UBE2Q2: variants seen among roughly 807,000 people sequenced by gnomAD.
UBE2Q2 encodes ubiquitin conjugating enzyme E2 Q2, also known as ubiquitin-conjugating enzyme E2 Q2.
In UBE2Q2, 54 loss-of-function variants were observed where a neutral mutation model predicts 59.9. The observed-to-expected ratio is 0.90, with a 90% CI of 0.72 to 1.13. The LOEUF (loss-of-function observed/expected upper bound fraction) is 1.13. Among genes scored for constraint, UBE2Q2 ranks in the 50% most tolerant of loss-of-function variants. The pLI is 0.00. For missense variants in UBE2Q2, 433 were observed against 441.9 expected, an observed-to-expected ratio of 0.98 and a Z score of 0.18; for synonymous variants, 165 against 155.2, an observed-to-expected ratio of 1.06 and a Z score of -0.47.
intron 3 of UBE2Q2, among the ~76,000 whole-genome samples, chr15:75,862,432 T>A (rs1464962012): frequency 2.0e-5 from 3 of 151,508 alleles, no homozygotes; most frequent in South Asian, 2.1e-4. Context: ...TTTTTTTTTT[T>A]AAACCTTTCC....
At position 75,873,517 on chromosome 15, in the gene UBE2Q2, T is replaced by C; in HGVS notation, c.537T>C (p.Asn179=). 2 of 1,613,792 alleles carry C rather than the reference T, an allele frequency of 1.2e-6. No homozygotes were observed. Among genetic ancestry groups the C allele is most frequent in the Middle Eastern group, 1.7e-4 (1 of 6,056 alleles). Residue 179 remains asparagine (N), a synonymous_variant, in exon 5 of 13, where the codon AAT becomes AAC. Transcript: ENST00000267938. ...KSEDEGIEKE[N]LAILEKIRKT... The stretch of plus-strand genomic sequence containing the variant: ...AGGATGAAGGAATTGAAAAAGAAAA[T>C]TTGGCAATATTAGAGAAAATTAGGA...
rs1899698573 is a variant in UBE2Q2 at position 75,900,557 on chromosome 15, C to CT, written c.*1101dup. 2.0e-5 allele frequency: 1 copy of CT among 51,164 alleles called. No homozygotes were observed. Among genetic ancestry groups the CT allele is most frequent in the Admixed American group, 2.8e-4 (1 of 3,622 alleles). 3.2% of individuals were successfully genotyped at this position (51,164 alleles called of 1,614,324 possible). On this transcript the variant is annotated 3_prime_UTR_variant, in exon 13 of 13. Coordinates refer to ENST00000267938, the MANE Select transcript of UBE2Q2 (RefSeq NM_173469.4). ...TTTGATTTAAAAGTAAATTCTAGTT[C>CT]TTAAGCACTTTTAACAAATCCAGAA...
chr15:75,879,245 A>G (rs1463752376), intron 8 of UBE2Q2, 57 bp downstream of exon 8: 2 of 1,094,888 alleles, frequency 1.8e-6, no homozygotes, highest in African/African-American at 3.2e-5. Flanking sequence ...ATATTTGTAC[A>G]AGTGCTTTGG....
At chr15:75,876,110 TA>T in intron 5 of UBE2Q2, 76 bp from the exon 6 acceptor site, 1 of 1,389,980 alleles carries the variant, frequency 7.2e-7, no homozygotes, top group Non-Finnish European at 1.0e-6. Flanking sequence ...ATTTTTGCTG[TA>T]ATCTTTTAGA....
chr15:75,894,355 C>T (rs1437143699), intron 11 of UBE2Q2, among the ~76,000 whole-genome samples: 1 of 152,014 alleles, frequency 6.6e-6, no homozygotes, highest in Non-Finnish European at 1.5e-5. Flanking sequence ...ATGGCCTGAG[C>T]TCAGGAGTTC....
intron 1 of UBE2Q2, among the ~76,000 whole-genome samples, chr15:75,849,975 T>C (rs866555473): frequency 1.3e-4 from 20 of 152,364 alleles, no homozygotes; most frequent in Middle Eastern, 3.4e-3. Flanking sequence ...AAGATAGATA[T>C]AAAGCTTAGT....
chr15:75,882,563 C>T (rs1898491326), intron 8 of UBE2Q2, among the ~76,000 whole-genome samples: 1 of 152,132 alleles, frequency 6.6e-6, no homozygotes, highest in African/African-American at 2.4e-5. Context: ...CTTTACCAAG[C>T]TTACATCAAC....
intron 12 of UBE2Q2, 61 bp downstream of exon 12, chr15:75,897,122 C>CCTG: frequency 2.1e-6 from 2 of 958,900 alleles, no homozygotes; most frequent in South Asian, 2.8e-5. Flanking sequence ...TGTATTAATA[C>CCTG]TTACCATTTT....
At chr15:75,848,613 G>T (rs1349317989) in intron 1 of UBE2Q2, among the ~76,000 whole-genome samples, 1 of 151,964 alleles carries the variant, frequency 6.6e-6, no homozygotes, top group African/African-American at 2.4e-5. Context: ...TATATGAAGA[G>T]AAGACTTAGG....
intron 1 of UBE2Q2, among the ~76,000 whole-genome samples, chr15:75,851,127 A>G (rs1029427450): frequency 2.7e-5 from 4 of 150,080 alleles, no homozygotes; most frequent in African/African-American, 9.8e-5. Context: ...ATAATCCTGG[A>G]TATTCTTCTT....
intron 11 of UBE2Q2, 45 bp downstream of exon 11, chr15:75,891,059 TATTA>T: frequency 7.0e-7 from 1 of 1,424,122 alleles, no homozygotes. Context: ...ATACATTTTA[TATTA>T]CTTTATAAGC....
Position 75,899,622 on chromosome 15 carries a change from C to T in UBE2Q2, c.*164C>T. On this transcript the variant is annotated 3_prime_UTR_variant, in exon 13 of 13. Transcript: ENST00000267938. ...TCTGACATCCAGTATAAGTTACAGC[C>T]TTTGCATTTTGCTCATTTTAGATAT... The T allele has an allele frequency of 7.4e-6, 4 of 537,678 alleles. No homozygotes were observed. Among genetic ancestry groups the T allele is most frequent in the Non-Finnish European group, 1.2e-5 (4 of 320,910 alleles). The allele number at this position is 537,678 out of a possible 1,614,324, so 33.3% of individuals were successfully genotyped here.
intron 1 of UBE2Q2, among the ~76,000 whole-genome samples, chr15:75,852,008 GACTACAGGCGTGCA>G (rs1896658855): frequency 6.6e-6 from 1 of 152,100 alleles, no homozygotes; most frequent in African/African-American, 2.4e-5. Context: ...TAGTAGCTGG[GACTACAGGCGTGCA>G]ACCACCATGC....
intron 4 of UBE2Q2, among the ~76,000 whole-genome samples, chr15:75,869,879 A>C (rs1254382503): frequency 1.3e-5 from 2 of 152,230 alleles, no homozygotes; most frequent in African/African-American, 4.8e-5. Flanking sequence ...TTTAAATTCA[A>C]ACTTCAGAAC....
chr15:75,843,609 G>A lies in UBE2Q2; in HGVS notation c.-58G>A, dbSNP rs62028927. Reference sequence around the variant, plus strand: ...GGCCGTGACGGCGGCTCCGGGCCCGGCTCCCCTTCCGCGCCCGGCTCCCCT... The same window carrying A: ...GGCCGTGACGGCGGCTCCGGGCCCGACTCCCCTTCCGCGCCCGGCTCCCCT... On this transcript the variant is annotated 5_prime_UTR_variant, in exon 1 of 13. Transcript: ENST00000267938. 15,042 of 1,477,094 alleles carry A rather than the reference G, an allele frequency of 0.01. 99 individuals are homozygous for A. The highest frequency in any genetic ancestry group is 0.013 in the Non-Finnish European group (13,948 of 1,105,542). 91.5% of individuals were successfully genotyped at this position (1,477,094 alleles called of 1,614,324 possible).
chr15:75,868,929 G>A (rs763804375), intron 3 of UBE2Q2, 22 bp from the exon 4 acceptor site: 1 of 1,611,562 alleles, frequency 6.2e-7, no homozygotes, highest in African/African-American at 1.3e-5. Flanking sequence ...TATAGCCCTG[G>A]CAGATTCTTT....
At chr15:75,873,368 C>T in intron 4 of UBE2Q2, 60 bp from the exon 5 acceptor site, 2 of 1,480,422 alleles carry the variant, frequency 1.4e-6, no homozygotes. Context: ...GTTATTTTGG[C>T]ATAAGAAACT....
rs773581881 is a variant in UBE2Q2, at chr15:75,873,410, T to G, written c.448-18T>G. On this transcript the variant is annotated intron_variant, in intron 4 of 12. Transcript: ENST00000267938. ...GAAAAATAGGTTGAATAAGCTAACA[T>G]TTTTCGTCTCTTTGTAGGATATAGA... 1.9e-6 allele frequency: 3 copies of G among 1,568,704 alleles called. No homozygotes were observed. The highest frequency in any genetic ancestry group is 2.6e-6 in the Non-Finnish European group (3 of 1,164,392).
At chr15:75,846,779 C>G (rs999650073) in intron 1 of UBE2Q2, among the ~76,000 whole-genome samples, 3 of 152,042 alleles carry the variant, frequency 2.0e-5, no homozygotes, top group African/African-American at 7.2e-5. Context: ...TTATACTTAC[C>G]AAGAAACATC....
Sources: allele counts gnomAD v4.1 joint callset (sites outside exome capture counted in the v4.1 genomes callset), GRCh38; gene constraint gnomAD v4.1.1; transcripts MANE v1.5; gene names NCBI Gene and HGNC (gene_info 2026-07-23, HGNC 2026-07-21).